The following GPM6B variants were observed in gnomAD, a reference collection of about 807,000 sequenced individuals.
GPM6B encodes the protein glycoprotein M6B.
GPM6B carries 4 observed loss-of-function variants against 27.2 expected under a neutral mutation model. That is an observed-to-expected ratio of 0.15 (90% CI 0.07 to 0.34). GPM6B has a LOEUF of 0.34. GPM6B is among the 10% of genes least tolerant of loss of function. The probability of loss-of-function intolerance (pLI) is 1.00; values close to 1 mark genes in which losing one functional copy is unlikely to be tolerated. For missense variants in GPM6B, 183 were observed against 261.9 expected, an observed-to-expected ratio of 0.70 and a Z score of 2.08; for synonymous variants, 124 against 103.1, an observed-to-expected ratio of 1.20 and a Z score of -1.23.
At chrX:13,889,589 T>G (rs2050170075) in intron 1 of GPM6B, 1 of 111,431 alleles carries the variant, frequency 9.0e-6, no homozygotes, top group Non-Finnish European at 1.9e-5. Flanking sequence ...TGGTTTCACA[T>G]TAGATGCAGG....
At chrX:13,786,380 A>C (rs2048613641) in intron 2 of GPM6B, among the ~76,000 whole-genome samples, 1 of 112,269 alleles carries the variant, frequency 8.9e-6, no homozygotes. Flanking sequence ...ACAAATAGCA[A>C]GGTGATTGTT....
Position 13,772,943 on chromosome X carries a change from C to A in GPM6B, c.925G>T (p.Glu309Ter). The A allele has an allele frequency of 8.3e-7, 1 of 1,209,058 alleles. No individual in the cohort carries two copies. The highest frequency in any genetic ancestry group is 1.1e-6 in the Non-Finnish European group (1 of 893,239). ...TGGATATCTTGCAGTTCCTGTTCTT[C>A]CTTTGCTTTGATATCCTGGTAAGCC... ...MQAYQDIKAK[E>*]EQELQDIQSR... is the part of the protein sequence containing the mutation. The change falls in exon 8 of 8, where the codon GAA becomes TAA. Residue 309 changes from glutamate (E) to a stop codon, truncating the protein, a stop_gained. Coordinates refer to ENST00000316715, the MANE Select transcript of GPM6B (RefSeq NM_001001995.3). LOFTEE classifies it high-confidence loss of function.
intron 1 of GPM6B, among the ~76,000 whole-genome samples, chrX:13,861,047 T>C (rs77050158): frequency 1.6e-4 from 9 of 55,498 alleles, no homozygotes; most frequent in Admixed American, 9.0e-4. Flanking sequence ...CACACACATA[T>C]ATACATATAT....
chrX:13,938,493 G>T, upstream of GPM6B: 3 of 949,517 alleles, frequency 3.2e-6, no homozygotes, highest in Non-Finnish European at 4.0e-6. Context: ...CGCGCAGCCA[G>T]CGCGCTCGCT....
intron 1 of GPM6B, among the ~76,000 whole-genome samples, chrX:13,836,493 G>C (rs1034701696): frequency 8.9e-6 from 1 of 112,448 alleles, no homozygotes; most frequent in Non-Finnish European, 1.9e-5. Flanking sequence ...CATTTTTACA[G>C]TGCAAAGATT....
In GPM6B at chrX:13,880,888, C is replaced by T. The variant is rs539371992; in HGVS notation, c.-198+57439G>A. On this transcript the variant is annotated intron_variant, in intron 1 of 6. Transcript: ENST00000398361. Reference sequence around the variant, plus strand: ...TTTCAGGTGTTCAAATACGTTACACCGGTTTCTCCATGGGGCCTTTGCAAC... The same window carrying T: ...TTTCAGGTGTTCAAATACGTTACACTGGTTTCTCCATGGGGCCTTTGCAAC... Among the ~76,000 whole-genome samples the T allele has an allele frequency of 2.3e-4, 25 of 109,882 alleles. 1 individual carries two copies. The South Asian group carries it at 7.3e-3, about 32-fold the overall frequency.
chrX:13,927,543 A>AGGCCTTTG (rs1214740573), intron 1 of GPM6B, among the ~76,000 whole-genome samples: 1 of 112,899 alleles, frequency 8.9e-6, no homozygotes, highest in African/African-American at 3.2e-5. Flanking sequence ...AAATCATCCC[A>AGGCCTTTG]GGCCTTTGGG....
chrX:13,937,055 C>T (rs1235091224), intron 1 of GPM6B, among the ~76,000 whole-genome samples: 1 of 112,160 alleles, frequency 8.9e-6, no homozygotes, highest in Non-Finnish European at 1.9e-5. Flanking sequence ...TCCTCTGAGC[C>T]TCATTTTGTG....
chrX:13,934,052 T>A (rs995029240), intron 1 of GPM6B, among the ~76,000 whole-genome samples: 1 of 111,293 alleles, frequency 9.0e-6, no homozygotes, highest in Non-Finnish European at 1.9e-5. Context: ...TGGTCCTGGA[T>A]GTAGCAGATA....
At chrX:13,917,928 G>A (rs1362618002) in intron 1 of GPM6B, among the ~76,000 whole-genome samples, 1 of 112,410 alleles carries the variant, frequency 8.9e-6, no homozygotes, top group African/African-American at 3.2e-5. Context: ...GTTTCAGCAG[G>A]ATGTTCACTT....
intron 1 of GPM6B, among the ~76,000 whole-genome samples, chrX:13,809,377 G>A (rs1045336478): frequency 8.9e-6 from 1 of 112,268 alleles, no homozygotes; most frequent in African/African-American, 3.2e-5. Context: ...TGCATTTGCA[G>A]TTGAGTTGTG....
upstream of GPM6B, among the ~76,000 whole-genome samples, chrX:13,818,203 C>T (rs1471760527): frequency 3.6e-5 from 4 of 112,124 alleles, no homozygotes; most frequent in African/African-American, 6.5e-5. Flanking sequence ...TGGCCTTCGC[C>T]GTCCCTATAA....
intron 1 of GPM6B, among the ~76,000 whole-genome samples, chrX:13,863,340 C>G (rs1047880914): frequency 1.1e-4 from 12 of 111,576 alleles, no homozygotes; most frequent in African/African-American, 3.9e-4. Flanking sequence ...ATTTACTGAG[C>G]TGCATTTCAG....
At chrX:13,774,621 T>C in intron 7 of GPM6B, 1 of 1,200,774 alleles carries the variant, frequency 8.3e-7, no homozygotes. Flanking sequence ...ATCATGTAGA[T>C]CAGCTGGTGG....
chrX:13,774,632 A>G (rs760202986), intron 7 of GPM6B: 4 of 1,185,435 alleles, frequency 3.4e-6, no homozygotes, highest in Non-Finnish European at 4.6e-6. Flanking sequence ...CAGCTGGTGG[A>G]AGAGAACAAA....
In GPM6B at chrX:13,772,765, G is replaced by A; in HGVS notation, c.*116C>T. The A allele has an allele frequency of 1.6e-6, 1 of 643,591 alleles. No homozygotes were observed. The highest frequency in any genetic ancestry group is 3.4e-5 in the East Asian group (1 of 29,794). The allele number at this position is 643,591 out of a possible 1,213,427, so 53.0% of individuals were successfully genotyped here. Reference sequence around the variant, plus strand: ...ACATCCCAGCAGCTTGAGACAGACAGTGAAGTGTTTGTACATCTACATTAG... The same window carrying A: ...ACATCCCAGCAGCTTGAGACAGACAATGAAGTGTTTGTACATCTACATTAG... On this transcript the variant is annotated 3_prime_UTR_variant, in exon 8 of 8. Coordinates refer to ENST00000316715, the MANE Select transcript of GPM6B (RefSeq NM_001001995.3).
Position 13,816,969 on chromosome X carries a change from CT to C in GPM6B, c.-66del. On this transcript the variant is annotated 5_prime_UTR_variant, in exon 1 of 8. Coordinates refer to ENST00000316715, the MANE Select transcript of GPM6B (RefSeq NM_001001995.3). Reference sequence around the variant, plus strand: ...CACACACTTGTTTTTCCTCCTCTTCCTTTTCTTTTGGACTCCCCTCCGTCTC... The same window carrying C: ...CACACACTTGTTTTTCCTCCTCTTCCTTTCTTTTGGACTCCCCTCCGTCTC... The C allele has an allele frequency of 8.6e-7, 1 of 1,157,983 alleles. No individual in the cohort carries two copies. The highest frequency in any genetic ancestry group is 2.1e-5 in the South Asian group (1 of 47,940).
chrX:13,855,810 A>T (rs1391598336), intron 1 of GPM6B, among the ~76,000 whole-genome samples: 1 of 111,589 alleles, frequency 9.0e-6, no homozygotes, highest in Admixed American at 9.5e-5. Context: ...GCAACTACCA[A>T]TTATCTAAAC....
At chrX:13,840,735 T>C (rs5978665) in intron 1 of GPM6B, among the ~76,000 whole-genome samples, 55,672 of 110,238 alleles carry the variant, frequency 0.51, 10,517 homozygotes, top group Non-Finnish European at 0.56. Flanking sequence ...TCCTCCCGGC[T>C]CCAAACTCTC....
Sources: gnomAD v4.1 joint callset for allele counts (sites outside exome capture counted in the v4.1 genomes callset) on GRCh38, gnomAD v4.1.1 for gene constraint, MANE v1.5 for transcripts, NCBI Gene and HGNC (gene_info 2026-07-23, HGNC 2026-07-21) for gene names.